PSPC1: variants seen among roughly 807,000 people sequenced by gnomAD.
PSPC1 encodes the protein paraspeckle component 1.
A neutral mutation model predicts 51.6 loss-of-function variants in PSPC1; 14 were observed. The observed-to-expected ratio is 0.27, with a 90% CI of 0.18 to 0.42. PSPC1 has a LOEUF of 0.42. PSPC1 is among the 10% of genes least tolerant of loss of function. PSPC1 has a pLI of 1.00. For synonymous variants in PSPC1, 193 were observed against 231.9 expected (o/e 0.83, Z 1.53); for missense variants, 406 against 701.1 (o/e 0.58, Z 4.75).
intron 2 of PSPC1, among the ~76,000 whole-genome samples, chr13:19,764,165 G>T (rs908695726): frequency 1.3e-5 from 2 of 152,118 alleles, no homozygotes; most frequent in African/African-American, 2.4e-5. Context: ...AAGTATTGCA[G>T]AAGAAACAAG....
chr13:19,772,507 G>T lies in PSPC1; in HGVS notation c.409C>A (p.Leu137Met). The change falls in exon 2 of 9, where the codon CTG becomes ATG. Residue 137 changes from leucine to methionine, a missense_variant. Physicochemically the swap from Leu to Met is conservative, Grantham distance 15 (BLOSUM62 2). Coordinates refer to ENST00000338910, the MANE Select transcript of PSPC1 (RefSeq NM_001354909.2). ...RTLAEIAKAE[L>M]DGTILKSRPL... ...CTGCTCTTGAGAATGGTGCCGTCCA[G>T]CTCTGCTTTTGCAATTTCAGCCAGG... The T allele has an allele frequency of 6.2e-7, 1 of 1,607,986 alleles. No homozygotes were observed. The highest frequency in any genetic ancestry group is 8.5e-7 in the Non-Finnish European group (1 of 1,176,280).
chr13:19,760,027 T>C (rs1403887147), intron 2 of PSPC1, among the ~76,000 whole-genome samples: 1 of 152,130 alleles, frequency 6.6e-6, no homozygotes, highest in Admixed American at 6.6e-5. Flanking sequence ...TAACCCATGT[T>C]TTATATGTGT....
At position 19,738,893 on chromosome 13, in the gene PSPC1, G is replaced by A. The variant is rs563210548; in HGVS notation, c.1052+2672C>T. On this transcript the variant is annotated intron_variant, in intron 5 of 8. Transcript: ENST00000338910. ...TGCACTCCAGCCTGGGCGACAGAGC[G>A]AGACTCCATCTCAAAAAAAAAAAAA... Among the ~76,000 whole-genome samples, 45 of 145,184 alleles carry A rather than the reference G, an allele frequency of 3.1e-4. 1 individual carries two copies. In the South Asian group the frequency reaches 9.1e-3, roughly 29 times the overall value.
chr13:19,748,796 A>T (rs1202497956), intron 4 of PSPC1, among the ~76,000 whole-genome samples: 1 of 149,062 alleles, frequency 6.7e-6, no homozygotes, highest in Non-Finnish European at 1.5e-5. Flanking sequence ...CTAAGAGAAA[A>T]CAATTCATAT....
chr13:19,698,029 T>A (rs996523702), downstream of PSPC1, among the ~76,000 whole-genome samples: 1 of 152,086 alleles, frequency 6.6e-6, no homozygotes, highest in African/African-American at 2.4e-5. Context: ...ATTTACATAA[T>A]TCTTCTAAAC....
At chr13:19,766,768 T>C (rs1364246086) in intron 2 of PSPC1, among the ~76,000 whole-genome samples, 1 of 151,454 alleles carries the variant, frequency 6.6e-6, no homozygotes, top group Non-Finnish European at 1.5e-5. Flanking sequence ...GGTGGGAGGA[T>C]GACTTGAGCC....
At chr13:19,767,555 A>C (rs1347893271) in intron 2 of PSPC1, among the ~76,000 whole-genome samples, 1 of 152,166 alleles carries the variant, frequency 6.6e-6, no homozygotes, top group Non-Finnish European at 1.5e-5. Flanking sequence ...TGATTATACT[A>C]CCTGATTTCA....
At chr13:19,676,972 C>A (rs1168697932) in intron 7 of PSPC1, among the ~76,000 whole-genome samples, 2 of 152,154 alleles carry the variant, frequency 1.3e-5, no homozygotes, top group African/African-American at 2.4e-5. Context: ...CAGTGGCTCA[C>A]GCCTCTAATC....
chr13:19,672,937 T>C (rs1025613760), downstream of PSPC1: 9 of 376,508 alleles, frequency 2.4e-5, no homozygotes, highest in South Asian at 1.9e-4. Flanking sequence ...AAGCCTGTAG[T>C]CCCAGATACT....
chr13:19,706,122 T>C (rs1593577351), intron 7 of PSPC1, among the ~76,000 whole-genome samples: 1 of 152,200 alleles, frequency 6.6e-6, no homozygotes, highest in Non-Finnish European at 1.5e-5. Context: ...TATTTTGTAA[T>C]AGCAGGCTTT....
intron 6 of PSPC1, among the ~76,000 whole-genome samples, chr13:19,690,605 T>C (rs1296809374): frequency 6.6e-6 from 1 of 152,228 alleles, no homozygotes; most frequent in Admixed American, 6.5e-5. Context: ...GTCTTCTTAC[T>C]GCTTGGGGTT....
intron 6 of PSPC1, among the ~76,000 whole-genome samples, chr13:19,720,749 T>TA (rs1210428982): frequency 6.6e-6 from 1 of 152,108 alleles, no homozygotes; most frequent in African/African-American, 2.4e-5. Flanking sequence ...AAAACTATGG[T>TA]AAAACAACCA....
At chr13:19,705,246 G>A (rs574847692) in intron 8 of PSPC1, among the ~76,000 whole-genome samples, 2 of 152,264 alleles carry the variant, frequency 1.3e-5, no homozygotes, top group African/African-American at 2.4e-5. Flanking sequence ...TGTAATCCCA[G>A]CACTTTGGGA....
chr13:19,671,904 C>T (rs1876151616), downstream of PSPC1: 2 of 1,608,740 alleles, frequency 1.2e-6, no homozygotes. Flanking sequence ...GCGGAGTTCT[C>T]TTCAGACCGA....
intron 6 of PSPC1, among the ~76,000 whole-genome samples, chr13:19,688,299 A>G (rs1412457051): frequency 6.6e-6 from 1 of 152,168 alleles, no homozygotes; most frequent in Non-Finnish European, 1.5e-5. Flanking sequence ...CTGTACACAT[A>G]GCAGGTGATT....
At chr13:19,772,715 T>C (rs1013845801) in intron 1 of PSPC1, among the ~76,000 whole-genome samples, 172 bp from the exon 2 acceptor site, 1 of 152,228 alleles carries the variant, frequency 6.6e-6, no homozygotes, top group African/African-American at 2.4e-5. Flanking sequence ...CAATGATCAT[T>C]TTAAACATTT....
intron 4 of PSPC1, among the ~76,000 whole-genome samples, chr13:19,750,737 C>T (rs1461950855): frequency 6.6e-6 from 1 of 151,930 alleles, no homozygotes; most frequent in Non-Finnish European, 1.5e-5. Context: ...CCGCAAATTA[C>T]CTCCAACACT....
chr13:19,766,533 A>G (rs537268466), intron 2 of PSPC1, among the ~76,000 whole-genome samples: 1 of 152,110 alleles, frequency 6.6e-6, no homozygotes, highest in Non-Finnish European at 1.5e-5. Flanking sequence ...AAAAGTAAAA[A>G]AATTAGCCAA....
At chr13:19,754,287 T>C (rs889717512) in intron 3 of PSPC1, among the ~76,000 whole-genome samples, 1 of 151,756 alleles carries the variant, frequency 6.6e-6, no homozygotes, top group Non-Finnish European at 1.5e-5. Flanking sequence ...GGTTTCACCA[T>C]GTTGGCCAGG....
Sources: allele counts gnomAD v4.1 joint callset (sites outside exome capture counted in the v4.1 genomes callset), GRCh38; gene constraint gnomAD v4.1.1; transcripts MANE v1.5; gene names NCBI Gene and HGNC (gene_info 2026-07-23, HGNC 2026-07-21).